The following DMXL2 variants were observed in gnomAD, a reference collection of about 807,000 sequenced individuals.
DMXL2 encodes the protein dmX-like protein 2.
Under a neutral mutation model 331.1 loss-of-function variants are expected in DMXL2, and 103 were observed. The observed-to-expected ratio is 0.31, with a 90% CI of 0.27 to 0.37. The LOEUF (loss-of-function observed/expected upper bound fraction) is 0.37, where lower values mean the gene tolerates loss of function less well. Ranked by LOEUF, DMXL2 falls within the 10% of genes least tolerant of loss-of-function variation. DMXL2 has a pLI of 1.00. For synonymous variants in DMXL2, 1,281 were observed against 1,252.1 expected, an observed-to-expected ratio of 1.02 and a Z score of -0.49; for missense variants, 3,171 against 3,642.9, an observed-to-expected ratio of 0.87 and a Z score of 3.33.
At chr15:51,615,891 C>T (rs560399757) in intron 1 of DMXL2, among the ~76,000 whole-genome samples, 3 of 152,208 alleles carry the variant, frequency 2.0e-5, no homozygotes, top group African/African-American at 4.8e-5. Flanking sequence ...TGAGTCTAAG[C>T]CAGAATGTTT....
At chr15:51,544,878 T>C (rs938905103) in intron 8 of DMXL2, among the ~76,000 whole-genome samples, 12 of 152,086 alleles carry the variant, frequency 7.9e-5, no homozygotes, top group African/African-American at 2.9e-4. Context: ...AGTATTTGAA[T>C]AATAAAAAAC....
chr15:51,620,000 T>C (rs1283735985), intron 1 of DMXL2, among the ~76,000 whole-genome samples: 1 of 152,230 alleles, frequency 6.6e-6, no homozygotes, highest in African/African-American at 2.4e-5. Context: ...TGCTCTAAAA[T>C]CAAGTGACAG....
At chr15:51,492,268 C>A (rs1202694325) in intron 19 of DMXL2, among the ~76,000 whole-genome samples, 2 of 152,328 alleles carry the variant, frequency 1.3e-5, no homozygotes, top group African/African-American at 4.8e-5. Context: ...ACTTGGCTCA[C>A]AGTCCTGGAT....
chr15:51,563,389 CA>C lies in DMXL2; in HGVS notation c.558del (p.Ala187LeufsTer8). The C allele has an allele frequency of 6.2e-7, 1 of 1,605,404 alleles. No homozygotes were observed. The highest frequency in any genetic ancestry group is 8.5e-7 in the Non-Finnish European group (1 of 1,175,296). On this transcript the variant is annotated frameshift_variant, in exon 6 of 44. Transcript: ENST00000560891. LOFTEE classifies it high-confidence loss of function. ...TTTGTTTGATCCTTTACCTTTCCAG[CA>C]GTAGCAAAATATTCACCATCAGGAG... is the stretch of plus-strand genomic sequence containing the variant. ...EWSPDGEYFA[T>X]AGKDDCLLKV...
Position 51,450,360 on chromosome 15 carries a change from A to T in DMXL2, c.8750-14T>A, listed in dbSNP as rs1413063295. 2 of 1,612,780 alleles carry T rather than the reference A, an allele frequency of 1.2e-6. No individual in the cohort carries two copies. ...GGCACGTGAAACCTGAAGAAGAAAA[A>T]CATCAGAGAATTTCTCAAAACAATT... On this transcript the variant is annotated splice_polypyrimidine_tract_variant and intron_variant, in intron 42 of 43. Coordinates refer to ENST00000560891, the MANE Select transcript of DMXL2 (RefSeq NM_001378457.1).
intron 17 of DMXL2, 37 bp from the exon 18 acceptor site, chr15:51,500,268 T>C: frequency 6.5e-7 from 1 of 1,528,182 alleles, no homozygotes; most frequent in Non-Finnish European, 8.8e-7. Context: ...GTTGTAATAA[T>C]AATAAAGCCA....
chr15:51,576,408 T>C (rs1319291801), intron 1 of DMXL2, among the ~76,000 whole-genome samples: 1 of 152,108 alleles, frequency 6.6e-6, no homozygotes, highest in African/African-American at 2.4e-5. Context: ...CTGTTACTAA[T>C]AGGAAAAGGG....
At chr15:51,540,643 G>T (rs2048543414) in intron 9 of DMXL2, among the ~76,000 whole-genome samples, 2 of 150,770 alleles carry the variant, frequency 1.3e-5, no homozygotes, top group African/African-American at 4.9e-5. Flanking sequence ...AAAATTTTTT[G>T]AAAAAAAAGT....
At position 51,552,723 on chromosome 15, in the gene DMXL2, C is replaced by T. The variant is rs77853098; in HGVS notation, c.568-5315G>A. Among the ~76,000 whole-genome samples the T allele has an allele frequency of 2.6e-3, 400 of 152,244 alleles. 18 individuals carry two copies. In the East Asian group the frequency reaches 0.062, roughly 24 times the overall value. ...TGTTTGAGGATCCTGGGATTTGATC[C>T]TGAGTCCCATTCTCTTCTCTAATAC... is the stretch of plus-strand genomic sequence containing the variant. On this transcript the variant is annotated intron_variant, in intron 6 of 43. Coordinates refer to ENST00000560891, the MANE Select transcript of DMXL2 (RefSeq NM_001378457.1).
chr15:51,507,286 GTATGTTT>G (rs1874895742), intron 15 of DMXL2, 33 bp from the exon 16 acceptor site: 1 of 1,584,194 alleles, frequency 6.3e-7, no homozygotes, highest in Admixed American at 1.8e-5. Flanking sequence ...ATTTAAATTA[GTATGTTT>G]TTATGGGGTT....
chr15:51,458,648 C>A, intron 35 of DMXL2, 21 bp from the exon 36 acceptor site: 1 of 1,613,854 alleles, frequency 6.2e-7, no homozygotes, highest in Non-Finnish European at 8.5e-7. Context: ...AAGGCAGAAT[C>A]GATGATTTAA....
chr15:51,506,696 G>A (rs1044561747), intron 16 of DMXL2, among the ~76,000 whole-genome samples: 10 of 151,316 alleles, frequency 6.6e-5, no homozygotes, highest in Admixed American at 5.3e-4. Flanking sequence ...CTCGTGATCC[G>A]CCCACCTCGG....
chr15:51,499,034 C>T lies in DMXL2; in HGVS notation c.4190G>A (p.Arg1397Gln), dbSNP rs2043388364. The T allele has an allele frequency of 1.2e-6, 2 of 1,613,716 alleles. No homozygotes were observed. Among genetic ancestry groups the T allele is most frequent in the African/African-American group, 1.3e-5 (1 of 74,906 alleles). ...AGEGTKRHLS[R>Q]TISVSGSTAK... ...TGTACTGCCACTTACACTAATAGTT[C>T]GAGAGAGATGTCGCTTAGTTCCTTC... The change falls in exon 18 of 44, where the codon CGA (arginine) becomes CAA (glutamine). Residue 1397 changes from arginine (R) to glutamine (Q), a missense_variant. Arg to Gln is a conservative substitution (Grantham distance 43). Around this residue, in one of 7 missense-constraint regions of DMXL2, gnomAD observed 1,674 missense variants for 1,780.2 expected, o/e 0.94. Coordinates refer to ENST00000560891, the MANE Select transcript of DMXL2 (RefSeq NM_001378457.1).
chr15:51,592,592 A>G (rs1166675247), intron 1 of DMXL2, among the ~76,000 whole-genome samples: 2 of 152,206 alleles, frequency 1.3e-5, no homozygotes, highest in Non-Finnish European at 2.9e-5. Context: ...CCTTGACAAG[A>G]GCAACTCCAA....
chr15:51,493,285 TA>T, intron 19 of DMXL2, among the ~76,000 whole-genome samples: 1 of 152,148 alleles, frequency 6.6e-6, no homozygotes, highest in Non-Finnish European at 1.5e-5. Flanking sequence ...ATATAAAATA[TA>T]TAATATAAAA....
At chr15:51,543,210 C>G (rs1312326268) in intron 8 of DMXL2, among the ~76,000 whole-genome samples, 1 of 152,136 alleles carries the variant, frequency 6.6e-6, no homozygotes, top group Admixed American at 6.6e-5. Flanking sequence ...ATCACGGCCC[C>G]ACCTCACAGT....
Position 51,481,379 on chromosome 15 carries a change from T to G in DMXL2, c.5727A>C (p.Pro1909=), listed in dbSNP as rs2042000200. 1 of 1,613,770 alleles carries G rather than the reference T, an allele frequency of 6.2e-7. No homozygotes were observed. Among genetic ancestry groups the G allele is most frequent in the Non-Finnish European group, 8.5e-7 (1 of 1,179,848 alleles). ...VLALEVLSKI[P]KVTKTSALSA... ...ATAAGGCAGATGTTTTGGTTACTTT[T>G]GGAATTTTGGAGAGTACCTCCAAGG... The change falls in exon 24 of 44, where the codon CCA becomes CCC. Residue 1909 remains proline, a synonymous_variant. Coordinates refer to ENST00000560891, the MANE Select transcript of DMXL2 (RefSeq NM_001378457.1).
chr15:51,468,153 C>T (rs770918086), intron 29 of DMXL2, among the ~76,000 whole-genome samples: 17 of 152,180 alleles, frequency 1.1e-4, no homozygotes, highest in Non-Finnish European at 2.2e-4. Context: ...ATAATTGATG[C>T]TTATCTAGAA....
intron 1 of DMXL2, among the ~76,000 whole-genome samples, chr15:51,595,271 C>A (rs979884138): frequency 2.6e-5 from 4 of 152,152 alleles, no homozygotes; most frequent in Middle Eastern, 3.2e-3. Flanking sequence ...TTCTTATATA[C>A]CAATAACAGA....
Sources: gnomAD v4.1 joint callset for allele counts (sites outside exome capture counted in the v4.1 genomes callset) on GRCh38, gnomAD v4.1.1 for gene constraint, gnomAD v4.1.1 regional missense constraint, MANE v1.5 for transcripts, NCBI Gene and HGNC (gene_info 2026-07-23, HGNC 2026-07-21) for gene names.